Variants in BCO2 observed in about 807,000 individuals in gnomAD.
The protein encoded by BCO2 is beta-carotene oxygenase 2.
Under a neutral mutation model 65.8 loss-of-function variants are expected in BCO2, and 56 were observed. The ratio of observed to expected loss-of-function variants is 0.85; its 90% CI spans 0.69 to 1.06. The LOEUF is 1.06. Ranked by LOEUF, BCO2 falls within the 50% of genes least tolerant of loss-of-function variation. The probability of loss-of-function intolerance (pLI) is 0.00; values close to 1 mark genes in which losing one functional copy is unlikely to be tolerated. For synonymous variants in BCO2, 233 were observed against 242.3 expected (o/e 0.96, Z 0.36); for missense variants, 675 against 698.5 (o/e 0.97, Z 0.38).
At chr11:112,178,558 G>A (rs1247137829) in intron 1 of BCO2, among the ~76,000 whole-genome samples, 2 of 152,152 alleles carry the variant, frequency 1.3e-5, no homozygotes, top group African/African-American at 2.4e-5. Flanking sequence ...ACCCCTCTAT[G>A]TTAGGCAGTA....
At position 112,193,595 on chromosome 11, in the gene BCO2, C is replaced by T. The variant is rs755615630; in HGVS notation, c.415C>T (p.Arg139Ter). 32 of 1,614,042 alleles carry T rather than the reference C, an allele frequency of 2.0e-5. No homozygotes were observed. The highest frequency in any genetic ancestry group is 1.6e-4 in the Middle Eastern group (1 of 6,062). Residue 139 changes from arginine to a stop codon, truncating the protein, a stop_gained, in exon 3 of 12, where the codon CGA (arginine) becomes TGA (stop). Transcript: ENST00000357685. LOFTEE classifies it high-confidence loss of function. ...ATATAAGGCCAACAGTGCTAAAAAC[C>T]GAATTGTGATCTCAGAATTTGGCAC... ...DTYKANSAKN[R>*]IVISEFGTLA...
At chr11:112,182,864 C>T in intron 2 of BCO2, 1 of 1,042,484 alleles carries the variant, frequency 9.6e-7, no homozygotes, top group South Asian at 1.3e-5. Flanking sequence ...AAAAGATGCT[C>T]TGTTCTAATG....
chr11:112,183,126 A>C (rs1867102521), intron 2 of BCO2: 1 of 1,284,638 alleles, frequency 7.8e-7, no homozygotes, highest in Non-Finnish European at 1.1e-6. Flanking sequence ...GAGAGGGTCC[A>C]ACATGAAGGG....
chr11:112,181,624 A>AC (rs1156772664), intron 2 of BCO2: 14 of 782,160 alleles, frequency 1.8e-5, no homozygotes, highest in African/African-American at 6.8e-5. Context: ...CTCATTGAAC[A>AC]CCTAAAAGTG....
chr11:112,216,386 T>C, intron 11 of BCO2, 56 bp downstream of exon 11: 1 of 1,253,758 alleles, frequency 8.0e-7, no homozygotes. Flanking sequence ...AGTCATCTGA[T>C]AAATCAAGGA....
chr11:112,212,538 A>C (rs1859541524), intron 8 of BCO2, among the ~76,000 whole-genome samples: 1 of 152,184 alleles, frequency 6.6e-6, no homozygotes, highest in Admixed American at 6.5e-5. Context: ...AAAGGATACA[A>C]AGCAAAATAA....
chr11:112,211,176 T>A (rs1287517024), intron 8 of BCO2, among the ~76,000 whole-genome samples: 2 of 152,210 alleles, frequency 1.3e-5, no homozygotes, highest in African/African-American at 4.8e-5. Context: ...CTATTTTAGG[T>A]ACTTCATGTA....
At chr11:112,216,375 G>C (rs1331940661) in intron 11 of BCO2, 45 bp downstream of exon 11, 2 of 1,430,004 alleles carry the variant, frequency 1.4e-6, no homozygotes, top group South Asian at 1.1e-5. Context: ...AAGTAGCACT[G>C]AGTCATCTGA....
At position 112,218,816 on chromosome 11, in the gene BCO2, C is replaced by T. The variant is rs988110517; in HGVS notation, c.*942C>T. 1 of 152,094 alleles carries T rather than the reference C, an allele frequency of 6.6e-6. No individual in the cohort carries two copies. The highest frequency in any genetic ancestry group is 2.4e-5 in the African/African-American group (1 of 41,418). 9.4% of individuals were successfully genotyped at this position (152,094 alleles called of 1,614,324 possible). A position where few individuals can be genotyped will look rare whatever the true frequency, so the allele number is the denominator to read the frequency against. On this transcript the variant is annotated 3_prime_UTR_variant, in exon 12 of 12. Transcript: ENST00000357685. ...GGTTATAGATATTTATTTTTTAGGG[C>T]TCTTACTTGAAATAATTAAGAAAGT...
intron 2 of BCO2, among the ~76,000 whole-genome samples, chr11:112,193,180 A>C (rs1417871378): frequency 6.6e-6 from 1 of 151,138 alleles, no homozygotes; most frequent in East Asian, 2.0e-4. Flanking sequence ...GGATTTCACC[A>C]CGTTAGCCAG....
At chr11:112,180,502 T>G (rs577554211) in intron 2 of BCO2, among the ~76,000 whole-genome samples, 1 of 152,320 alleles carries the variant, frequency 6.6e-6, no homozygotes, top group South Asian at 2.1e-4. Context: ...GTAACAGTGG[T>G]CTGCACCTGA....
intron 8 of BCO2, among the ~76,000 whole-genome samples, chr11:112,211,417 ATGC>A: frequency 6.6e-6 from 1 of 152,140 alleles, no homozygotes; most frequent in East Asian, 1.9e-4. Context: ...ATTATGAATA[ATGC>A]TGCTATGAAC....
At chr11:112,180,691 G>T (rs1191074425) in intron 2 of BCO2, 9 of 766,768 alleles carry the variant, frequency 1.2e-5, no homozygotes, top group Non-Finnish European at 2.2e-5. Flanking sequence ...GTGGAGGGGG[G>T]GAAGGGCGGG....
chr11:112,190,794 T>TG (rs980132620), intron 2 of BCO2, among the ~76,000 whole-genome samples: 1 of 145,260 alleles, frequency 6.9e-6, no homozygotes, highest in Non-Finnish European at 1.5e-5. Context: ...AGGCAGAGGT[T>TG]GCAGTGAGCT....
chr11:112,180,743 G>A, intron 2 of BCO2: 3 of 842,582 alleles, frequency 3.6e-6, no homozygotes, highest in Admixed American at 1.7e-5. Context: ...GAGGGTGGTG[G>A]CCCACTCAGG....
At chr11:112,208,317 C>A (rs1460965733) in intron 8 of BCO2, among the ~76,000 whole-genome samples, 1 of 151,840 alleles carries the variant, frequency 6.6e-6, no homozygotes, top group African/African-American at 2.4e-5. Context: ...ATTACACTTA[C>A]AAATTCTAAT....
Position 112,214,938 on chromosome 11 carries a change from A to G in BCO2, c.1509A>G (p.Thr503=), listed in dbSNP as rs752526560. Residue 503 remains threonine, a synonymous_variant, in exon 10 of 12, where the codon ACA becomes ACG. Coordinates refer to ENST00000357685, the MANE Select transcript of BCO2 (RefSeq NM_031938.7). ...TCAAGGTTGATGTGGTGAATAAGAC[A>G]CTGAAGGTGATGAAAAACTCTTTCC... ...SLIKVDVVNK[T]LKVWREDGFY... 2.5e-6 allele frequency: 4 copies of G among 1,614,016 alleles called. No homozygotes were observed. The Admixed American group carries it at 5.0e-5, about 20-fold the overall frequency.
At chr11:112,186,186 G>T (rs924442477) in intron 2 of BCO2, among the ~76,000 whole-genome samples, 1 of 152,258 alleles carries the variant, frequency 6.6e-6, no homozygotes, top group Middle Eastern at 3.4e-3. Context: ...CTTACAGAGG[G>T]TATATGGTAT....
intron 8 of BCO2, among the ~76,000 whole-genome samples, chr11:112,213,057 A>T (rs142234195): frequency 1.4e-3 from 215 of 151,990 alleles, no homozygotes; most frequent in Middle Eastern, 0.01. Context: ...GAAGAAGGAA[A>T]GCACCCTTTG....
Sources: allele counts gnomAD v4.1 joint callset (sites outside exome capture counted in the v4.1 genomes callset), GRCh38; gene constraint gnomAD v4.1.1; transcripts MANE v1.5; gene names NCBI Gene and HGNC (gene_info 2026-07-23, HGNC 2026-07-21).